Variants in TFDP2 observed in about 807,000 individuals in gnomAD.
The protein encoded by TFDP2 is transcription factor Dp-2 (E2F dimerization partner 2).
Under a neutral mutation model 59.3 loss-of-function variants are expected in TFDP2, and 17 were observed. The observed-to-expected ratio is 0.29, with a 90% confidence interval of 0.20 to 0.43. The LOEUF (loss-of-function observed/expected upper bound fraction) is 0.43. Among genes scored for constraint, TFDP2 ranks in the 20% least tolerant of loss-of-function variants. TFDP2 has a pLI of 1.00. For missense variants in TFDP2, 391 were observed against 528.8 expected, an observed-to-expected ratio of 0.74 and a Z score of 2.56; for synonymous variants, 180 against 194.7, an observed-to-expected ratio of 0.92 and a Z score of 0.63.
chr3:141,947,414 C>CTTTCTTT lies in TFDP2; in HGVS notation c.*5092_*5098dup, dbSNP rs944682216. On this transcript the variant is annotated 3_prime_UTR_variant, in exon 13 of 13. Coordinates refer to ENST00000489671, the MANE Select transcript of TFDP2 (RefSeq NM_001178139.2). ...TCTCAATTTCTAATCATTTTTCTTT[C>CTTTCTTT]TTTCTTTTTTCTTTTTTTGAGACAG... The CTTTCTTT allele has an allele frequency of 1.3e-5, 2 of 151,906 alleles. No homozygotes were observed. The highest frequency in any genetic ancestry group is 2.9e-5 in the Non-Finnish European group (2 of 67,952). The allele number at this position is 151,906 out of a possible 1,614,324, so 9.4% of individuals were successfully genotyped here.
At position 142,131,717 on chromosome 3, in the gene TFDP2, C is replaced by T. The variant is rs72995094; in HGVS notation, c.-93+17466G>A. 1.4e-3 allele frequency among the ~76,000 whole-genome samples: 205 copies of T among 150,122 alleles called. 21 individuals are homozygous for T. The highest frequency in any genetic ancestry group is 5.0e-3 in the African/African-American group (199 of 39,684). On this transcript the variant is annotated intron_variant, in intron 1 of 12. Transcript: ENST00000489671. ...CGCCTATCAGAAAGAATTAAAAACACATGTCTGGCCGGGCACGATGTCTCA... is the reference window on the plus strand; with the variant it reads ...CGCCTATCAGAAAGAATTAAAAACATATGTCTGGCCGGGCACGATGTCTCA...
chr3:142,008,897 T>C, intron 3 of TFDP2, among the ~76,000 whole-genome samples: 1 of 152,290 alleles, frequency 6.6e-6, no homozygotes, highest in Admixed American at 6.5e-5. Flanking sequence ...AAATAGATTA[T>C]TAGTGACCCT....
intron 1 of TFDP2, chr3:142,126,029 CTT>C (rs919969401): frequency 1.3e-5 from 2 of 152,102 alleles, no homozygotes; most frequent in Non-Finnish European, 2.9e-5. Flanking sequence ...CTTGAAAAGA[CTT>C]TGTTATATTG....
chr3:142,057,478 C>T (rs777317754), intron 3 of TFDP2, among the ~76,000 whole-genome samples: 14 of 152,048 alleles, frequency 9.2e-5, no homozygotes, highest in Non-Finnish European at 1.8e-4. Flanking sequence ...ATAATTTGTT[C>T]CTGGGTGGGT....
intron 7 of TFDP2, among the ~76,000 whole-genome samples, chr3:141,976,485 T>C (rs1940658604): frequency 6.6e-6 from 1 of 152,154 alleles, no homozygotes; most frequent in African/African-American, 2.4e-5. Flanking sequence ...ATTTTAGATA[T>C]TGAAAAGTGC....
At chr3:142,126,380 G>A (rs139474185) in intron 1 of TFDP2, 17 of 151,854 alleles carry the variant, frequency 1.1e-4, no homozygotes, top group African/African-American at 4.1e-4. Flanking sequence ...AGGTGGCGAC[G>A]TTACTTCATC....
At chr3:142,066,447 C>T (rs1402015664) in intron 3 of TFDP2, among the ~76,000 whole-genome samples, 1 of 152,160 alleles carries the variant, frequency 6.6e-6, no homozygotes, top group African/African-American at 2.4e-5. Flanking sequence ...AGAATACTTA[C>T]ATTAGCCTAC....
chr3:142,055,920 C>A (rs13064793), intron 3 of TFDP2, among the ~76,000 whole-genome samples: 1 of 148,614 alleles, frequency 6.7e-6, no homozygotes, highest in Non-Finnish European at 1.5e-5. Context: ...CTTGGAAAGC[C>A]CACATGCATT....
intron 3 of TFDP2, among the ~76,000 whole-genome samples, chr3:142,013,216 A>C (rs1944861303): frequency 6.6e-6 from 1 of 151,050 alleles, no homozygotes; most frequent in Admixed American, 6.6e-5. Flanking sequence ...CATAGCTACT[A>C]AAACAAGTTG....
intron 2 of TFDP2, among the ~76,000 whole-genome samples, chr3:142,100,792 GGACA>G (rs758468068): frequency 1.3e-5 from 2 of 152,108 alleles, no homozygotes; most frequent in African/African-American, 4.8e-5. Context: ...AAGATGATTT[GGACA>G]GACAGACAGA....
At chr3:142,146,581 A>G (rs944025655) in intron 1 of TFDP2, among the ~76,000 whole-genome samples, 3 of 152,218 alleles carry the variant, frequency 2.0e-5, no homozygotes, top group African/African-American at 7.2e-5. Context: ...GTAAATTATT[A>G]TAAAGTAACA....
At chr3:142,075,245 T>C (rs549501472) in intron 3 of TFDP2, among the ~76,000 whole-genome samples, 17 of 152,300 alleles carry the variant, frequency 1.1e-4, no homozygotes, top group African/African-American at 4.1e-4. Flanking sequence ...TATCAAAGTA[T>C]ACTATAAAGA....
rs71629518 is a variant in TFDP2, at chr3:141,948,541, CAAA to C, written c.*3969_*3971del. On this transcript the variant is annotated 3_prime_UTR_variant, in exon 13 of 13. Transcript: ENST00000489671. The stretch of plus-strand genomic sequence containing the variant: ...CTGGCGACAGAGCAAGACTCCGTCT[CAAA>C]AAAAAAAAAAAGCTAAATAGGCTCC... The C allele has an allele frequency of 2.2e-5, 3 of 133,394 alleles. No individual in the cohort carries two copies. The highest frequency in any genetic ancestry group is 3.2e-5 in the Non-Finnish European group (2 of 62,510). 8.3% of individuals were successfully genotyped at this position (133,394 alleles called of 1,614,324 possible).
At chr3:141,995,883 C>CAAAAAAAAAAAAAAAAAAAAAAAA (rs146557075) in intron 4 of TFDP2, among the ~76,000 whole-genome samples, 1 of 67,920 alleles carries the variant, frequency 1.5e-5, no homozygotes, top group Non-Finnish European at 3.1e-5. Context: ...AACTCCATTT[C>CAAAAAAAAAAAAAAAAAAAAAAAA]AAAAAAAAAA....
At chr3:142,108,076 C>T (rs1488904790) in intron 1 of TFDP2, among the ~76,000 whole-genome samples, 3 of 152,076 alleles carry the variant, frequency 2.0e-5, no homozygotes, top group Non-Finnish European at 2.9e-5. Context: ...TTGCCAGCTC[C>T]CCAAAACCTT....
At chr3:142,009,830 C>T (rs576117775) in intron 3 of TFDP2, among the ~76,000 whole-genome samples, 1 of 151,360 alleles carries the variant, frequency 6.6e-6, no homozygotes, top group Non-Finnish European at 1.5e-5. Context: ...TATTTCAAAC[C>T]AATAATGTTG....
intron 1 of TFDP2, among the ~76,000 whole-genome samples, chr3:142,115,708 T>C (rs1175475938): frequency 6.6e-6 from 1 of 152,254 alleles, no homozygotes; most frequent in African/African-American, 2.4e-5. Context: ...TGTTCAATAG[T>C]ATCATACTAT....
In TFDP2 at chr3:142,149,527, C is replaced by T; in HGVS notation, c.-437G>A. ...GCTTCCCCCGCGCGAGCTTTGGCGG[C>T]GGAGCAGCACAGTGCGCGCCGATTG... On this transcript the variant is annotated 5_prime_UTR_variant, in exon 1 of 13. Transcript: ENST00000489671. 1 of 315,286 alleles carries T rather than the reference C, an allele frequency of 3.2e-6. No individual in the cohort carries two copies. Among genetic ancestry groups the T allele is most frequent in the Non-Finnish European group, 5.8e-6 (1 of 173,752 alleles). The allele number at this position is 315,286 out of a possible 1,614,324, so 19.5% of individuals were successfully genotyped here.
intron 6 of TFDP2, among the ~76,000 whole-genome samples, chr3:141,979,840 C>T (rs1020681388): frequency 6.6e-5 from 10 of 151,734 alleles, no homozygotes; most frequent in African/African-American, 2.4e-4. Context: ...CTGCCTGCCT[C>T]GGCCTCCCAA....
Sources: gnomAD v4.1 joint callset for allele counts (sites outside exome capture counted in the v4.1 genomes callset) on GRCh38, gnomAD v4.1.1 for gene constraint, MANE v1.5 for transcripts, NCBI Gene and HGNC (gene_info 2026-07-23, HGNC 2026-07-21) for gene names.